Variants in STRBP observed in about 807,000 individuals in gnomAD.
The protein encoded by STRBP is spermatid perinuclear RNA binding protein.
STRBP carries 13 observed loss-of-function variants against 80.1 expected under a neutral mutation model. That is an observed-to-expected ratio of 0.16 (90% confidence interval 0.11 to 0.26). The LOEUF is 0.26. Among genes scored for constraint, STRBP ranks in the 10% least tolerant of loss-of-function variants. STRBP has a pLI of 1.00. For missense variants in STRBP, 485 were observed against 815.2 expected (o/e 0.59, Z 4.93); for synonymous variants, 284 against 291.2 (o/e 0.98, Z 0.25).
rs1481692954 is a variant in STRBP at position 123,122,226 on chromosome 9, A to G, written c.*3371T>C. Reference sequence around the variant, plus strand: ...ACTGAGATCACAGCTTACAGTCACTATATCTCAGCCTATTTTATACAAGTG... The same window carrying G: ...ACTGAGATCACAGCTTACAGTCACTGTATCTCAGCCTATTTTATACAAGTG... On this transcript the variant is annotated 3_prime_UTR_variant, in exon 19 of 19. Transcript: ENST00000348403. 7 of 882,802 alleles carry G rather than the reference A, an allele frequency of 7.9e-6. No homozygotes were observed. The highest frequency in any genetic ancestry group is 5.7e-5 in the South Asian group (4 of 69,892). 54.7% of individuals were successfully genotyped at this position (882,802 alleles called of 1,614,324 possible).
intron 3 of STRBP, chr9:123,109,877 C>A (rs1004452097): frequency 6.6e-6 from 1 of 152,168 alleles, no homozygotes; most frequent in African/African-American, 2.4e-5. Flanking sequence ...AAGGATTTTG[C>A]ACTGCAAATT....
chr9:123,251,353 C>T (rs971166503), intron 1 of STRBP, among the ~76,000 whole-genome samples: 1 of 152,060 alleles, frequency 6.6e-6, no homozygotes, highest in Non-Finnish European at 1.5e-5. Context: ...TCTTCAAGAC[C>T]CCTCAAGACC....
Position 123,136,489 on chromosome 9 carries a change from T to A in STRBP, c.1524A>T (p.Thr508=), listed in dbSNP as rs530023497. The part of the protein sequence containing the change: ...LEVRTQGPIL[T]ASGKNPVMEL... ...CCATTACAGGGTTTTTGCCACTTGC[T>A]GTGAGGATAGGGCCCTGAGTTCTTA... The change falls in exon 15 of 19, where the codon ACA becomes ACT. Residue 508 remains threonine (T), a synonymous_variant. Coordinates refer to ENST00000348403, the MANE Select transcript of STRBP (RefSeq NM_018387.5). The surrounding 1 kb of genome is among the most constrained non-coding windows in gnomAD (Gnocchi z 4.2). 8.1e-6 allele frequency: 13 copies of A among 1,614,134 alleles called. No homozygotes were observed. In the East Asian group the frequency reaches 2.7e-4, roughly 33 times the overall value.
At chr9:123,219,989 A>T (rs2132552554) in intron 2 of STRBP, among the ~76,000 whole-genome samples, 1 of 152,324 alleles carries the variant, frequency 6.6e-6, no homozygotes, top group East Asian at 1.9e-4. Flanking sequence ...AAACAAATGA[A>T]CTTTCTGATA....
Position 123,256,872 on chromosome 9 carries a change from T to C in STRBP, c.-302+11564A>G, listed in dbSNP as rs184271343. 2.1e-3 allele frequency among the ~76,000 whole-genome samples: 321 copies of C among 150,954 alleles called. 1 individual carries two copies. The highest frequency in any genetic ancestry group is 7.3e-3 in the African/African-American group (302 of 41,146). ...ACATGGGGAGAACGTGAAAACTCCA[T>C]GTAGACAGTGGCTCCAGCCAGGAAT... On this transcript the variant is annotated intron_variant, in intron 1 of 18. Coordinates refer to ENST00000348403, the MANE Select transcript of STRBP (RefSeq NM_018387.5).
chr9:123,163,518 G>T (rs1462345559), intron 6 of STRBP, among the ~76,000 whole-genome samples: 2 of 152,132 alleles, frequency 1.3e-5, no homozygotes, highest in Non-Finnish European at 2.9e-5. Flanking sequence ...TTCATGCTCT[G>T]ATAGTCAGAA....
intron 1 of STRBP, among the ~76,000 whole-genome samples, chr9:123,268,134 C>A (rs954952829): frequency 2.6e-5 from 4 of 151,790 alleles, no homozygotes; most frequent in African/African-American, 9.7e-5. Flanking sequence ...ACCCTGCCCA[C>A]GCCCTCCCCT....
chr9:123,125,291 A>AAT lies in STRBP; in HGVS notation c.*304_*305dup. 9.5e-7 allele frequency: 1 copy of AAT among 1,052,074 alleles called. No individual in the cohort carries two copies. Among genetic ancestry groups the AAT allele is most frequent in the African/African-American group, 1.7e-5 (1 of 59,590 alleles). The allele number at this position is 1,052,074 out of a possible 1,614,324, so 65.2% of individuals were successfully genotyped here. Reference sequence around the variant, plus strand: ...ATCCTTCACAAATTTAATTTTACATAATCTGATACGTCTCTTAAAACTTAA... The same window carrying AAT: ...ATCCTTCACAAATTTAATTTTACATAATATCTGATACGTCTCTTAAAACTTAA... On this transcript the variant is annotated 3_prime_UTR_variant, in exon 19 of 19. Transcript: ENST00000348403.
At chr9:123,249,354 G>A (rs1175633640) in intron 1 of STRBP, among the ~76,000 whole-genome samples, 3 of 152,100 alleles carry the variant, frequency 2.0e-5, no homozygotes, top group African/African-American at 7.2e-5. Flanking sequence ...ACTCCAGCCT[G>A]GGCAACAGAG....
Position 123,158,481 on chromosome 9 carries a change from G to T in STRBP, c.836-52C>A, listed in dbSNP as rs561856914. The stretch of plus-strand genomic sequence containing the variant: ...CATTTAGAACTGAGTTTAGAATTCG[G>T]TAAACTAAAACAAAAGAGAGATGGC... On this transcript the variant is annotated intron_variant, in intron 9 of 18. Coordinates refer to ENST00000348403, the MANE Select transcript of STRBP (RefSeq NM_018387.5). 3.1e-5 allele frequency: 46 copies of T among 1,507,834 alleles called. No homozygotes were observed. In the South Asian group the frequency reaches 5.2e-4, roughly 17 times the overall value. 93.4% of individuals were successfully genotyped at this position (1,507,834 alleles called of 1,614,324 possible). A position where few individuals can be genotyped will look rare whatever the true frequency, so the allele number is the denominator to read the frequency against.
intron 2 of STRBP, among the ~76,000 whole-genome samples, chr9:123,205,733 C>T (rs2039491034): frequency 6.6e-6 from 1 of 152,194 alleles, no homozygotes; most frequent in African/African-American, 2.4e-5. Context: ...ATTTAATTTC[C>T]AGGCTCTTGC....
At chr9:123,147,131 A>G (rs767485140) in intron 12 of STRBP, 77 bp from the exon 13 acceptor site, 3 of 1,341,362 alleles carry the variant, frequency 2.2e-6, no homozygotes, top group Non-Finnish European at 2.1e-6. Context: ...GGTTCCTAGT[A>G]ACTACTGTAA....
chr9:123,242,140 C>T (rs908694465), intron 1 of STRBP, among the ~76,000 whole-genome samples: 3 of 152,200 alleles, frequency 2.0e-5, no homozygotes, highest in African/African-American at 2.4e-5. Flanking sequence ...TCTTCAGAGG[C>T]CTTCCCTGAT....
At chr9:123,173,196 CA>C (rs2132434512) in intron 5 of STRBP, among the ~76,000 whole-genome samples, 1 of 152,222 alleles carries the variant, frequency 6.6e-6, no homozygotes, top group East Asian at 1.9e-4. Flanking sequence ...GGTTTGGAGA[CA>C]AGAAATAAAC....
intron 1 of STRBP, among the ~76,000 whole-genome samples, chr9:123,267,153 C>G (rs2041286303): frequency 6.8e-6 from 1 of 147,696 alleles, no homozygotes; most frequent in Non-Finnish European, 1.5e-5. Context: ...ACACTCCACG[C>G]CACCCCACAC....
intron 11 of STRBP, among the ~76,000 whole-genome samples, chr9:123,155,035 T>C (rs751940063): frequency 6.6e-5 from 10 of 152,054 alleles, no homozygotes; most frequent in Non-Finnish European, 1.3e-4. Context: ...TGTCCATTGG[T>C]AGGCAAGAGG....
intron 2 of STRBP, among the ~76,000 whole-genome samples, chr9:123,232,260 G>T (rs909231227): frequency 6.6e-6 from 1 of 152,010 alleles, no homozygotes; most frequent in Non-Finnish European, 1.5e-5. Context: ...GCAGTGAGCC[G>T]AAATCACACC....
intron 1 of STRBP, among the ~76,000 whole-genome samples, chr9:123,244,243 T>C (rs1238710336): frequency 6.6e-6 from 1 of 152,174 alleles, no homozygotes; most frequent in Non-Finnish European, 1.5e-5. Flanking sequence ...CTATATGACA[T>C]TCTGGAAAAG....
At chr9:123,129,827 T>C (rs2036059683) in intron 17 of STRBP, among the ~76,000 whole-genome samples, 1 of 152,328 alleles carries the variant, frequency 6.6e-6, no homozygotes, top group South Asian at 2.1e-4. Context: ...TTCTGAGGGA[T>C]GAACAATTTT....
Sources: gnomAD v4.1 joint callset for allele counts (sites outside exome capture counted in the v4.1 genomes callset) on GRCh38, gnomAD v4.1.1 for gene constraint, Gnocchi (gnomAD v3.1) non-coding constraint, MANE v1.5 for transcripts, NCBI Gene and HGNC (gene_info 2026-07-23, HGNC 2026-07-21) for gene names.